CDC37L1: variants seen among roughly 807,000 people sequenced by gnomAD.
CDC37L1 encodes cell division cycle 37 like 1, HSP90 cochaperone.
A neutral mutation model predicts 45.9 loss-of-function variants in CDC37L1; 32 were observed. The ratio of observed to expected loss-of-function variants is 0.70; its 90% confidence interval spans 0.53 to 0.94. The LOEUF (loss-of-function observed/expected upper bound fraction) is 0.94, where lower values mean the gene tolerates loss of function less well. CDC37L1 is among the 40% of genes least tolerant of loss of function. The probability of loss-of-function intolerance (pLI) is 0.00; values close to 1 mark genes in which losing one functional copy is unlikely to be tolerated. For synonymous variants in CDC37L1, 150 were observed against 133.0 expected, an observed-to-expected ratio of 1.13 and a Z score of -0.88; for missense variants, 434 against 405.7, an observed-to-expected ratio of 1.07 and a Z score of -0.60.
At chr9:4,691,590 G>C (rs562537562) in intron 3 of CDC37L1, among the ~76,000 whole-genome samples, 4 of 152,090 alleles carry the variant, frequency 2.6e-5, no homozygotes, top group African/African-American at 4.8e-5. Context: ...GTGTGTGGGG[G>C]CTGTATAGGG....
chr9:4,699,920 A>C (rs1368742896), intron 5 of CDC37L1, among the ~76,000 whole-genome samples: 1 of 152,184 alleles, frequency 6.6e-6, no homozygotes, highest in Non-Finnish European at 1.5e-5. Context: ...GTGTGGTGAA[A>C]TTATAAATAA....
At chr9:4,679,970 C>G in intron 1 of CDC37L1, 71 bp downstream of exon 1, 2 of 1,572,088 alleles carry the variant, frequency 1.3e-6, no homozygotes, top group Non-Finnish European at 1.7e-6. Context: ...TGCCGCGTCT[C>G]CCAGACCCTC....
At chr9:4,688,146 T>A (rs1841267686) in intron 2 of CDC37L1, among the ~76,000 whole-genome samples, 1 of 152,134 alleles carries the variant, frequency 6.6e-6, no homozygotes. Flanking sequence ...ATTACAGGCA[T>A]CCACCACCAT....
At chr9:4,693,458 AAATT>A (rs1278559446) in intron 3 of CDC37L1, among the ~76,000 whole-genome samples, 5 of 152,020 alleles carry the variant, frequency 3.3e-5, no homozygotes, top group Non-Finnish European at 5.9e-5. Flanking sequence ...ATAAAGAAAT[AAATT>A]AATTAATAAT....
rs879404499 is a variant in CDC37L1, at chr9:4,696,670, C to T, written c.509-426C>T. On this transcript the variant is annotated intron_variant, in intron 3 of 6. Transcript: ENST00000381854. ...AAATAGTATTTGGATTTCTTTGACA[C>T]CTTGAAACAAAATGACAACCATTTT... 1.2e-4 allele frequency among the ~76,000 whole-genome samples: 19 copies of T among 152,006 alleles called. 1 individual carries two copies. Among genetic ancestry groups the T allele is most frequent in the Admixed American group, 6.5e-4 (10 of 15,268 alleles).
At chr9:4,694,328 C>T (rs780643948) in intron 3 of CDC37L1, among the ~76,000 whole-genome samples, 1 of 152,142 alleles carries the variant, frequency 6.6e-6, no homozygotes, top group African/African-American at 2.4e-5. Flanking sequence ...GATTCTCCTG[C>T]CTTGGCCTCC....
intron 3 of CDC37L1, among the ~76,000 whole-genome samples, chr9:4,695,492 C>CT (rs897292103): frequency 5.3e-5 from 8 of 151,868 alleles, no homozygotes; most frequent in African/African-American, 1.2e-4. Flanking sequence ...AGTCTTTATC[C>CT]TTTTTTTTAA....
At chr9:4,681,719 G>T (rs1444938488) in intron 1 of CDC37L1, among the ~76,000 whole-genome samples, 3 of 152,058 alleles carry the variant, frequency 2.0e-5, no homozygotes, top group Non-Finnish European at 4.4e-5. Flanking sequence ...GGTCTTACTG[G>T]CTTTAAGACT....
At chr9:4,694,040 T>G (rs1841324796) in intron 3 of CDC37L1, among the ~76,000 whole-genome samples, 2 of 152,232 alleles carry the variant, frequency 1.3e-5, no homozygotes, top group Non-Finnish European at 2.9e-5. Flanking sequence ...ATAATATCAG[T>G]AATTTGAGGT....
Position 4,679,726 on chromosome 9 carries a change from T to C in CDC37L1, c.-42T>C. ...ACGCCAAGTCTGTTGGCAGTGGCAG[T>C]TGTAGGGCCAAGGGCGGTTGTAGGA... is the stretch of plus-strand genomic sequence containing the variant. On this transcript the variant is annotated 5_prime_UTR_variant, in exon 1 of 7. Transcript: ENST00000381854. 6.4e-7 allele frequency: 1 copy of C among 1,572,968 alleles called. No individual in the cohort carries two copies.
intron 1 of CDC37L1, among the ~76,000 whole-genome samples, chr9:4,683,629 C>T (rs185072450): frequency 7.9e-5 from 12 of 151,954 alleles, no homozygotes; most frequent in Admixed American, 2.6e-4. Context: ...TACTTTATCC[C>T]AAAGCTAAGA....
At chr9:4,692,799 C>T (rs2130848795) in intron 3 of CDC37L1, among the ~76,000 whole-genome samples, 1 of 152,212 alleles carries the variant, frequency 6.6e-6, no homozygotes. Flanking sequence ...ATGTGATTCA[C>T]TGTATTAACT....
intron 2 of CDC37L1, among the ~76,000 whole-genome samples, chr9:4,688,069 C>A (rs1462889739): frequency 1.3e-5 from 2 of 152,202 alleles, no homozygotes; most frequent in Non-Finnish European, 2.9e-5. Context: ...ATGATCTCAG[C>A]TCACTACAAC....
chr9:4,705,162 A>G (rs953748395), intron 6 of CDC37L1, among the ~76,000 whole-genome samples: 17 of 152,272 alleles, frequency 1.1e-4, no homozygotes, highest in Non-Finnish European at 2.2e-4. Flanking sequence ...CTGTTTGACT[A>G]CTGTCCTCAC....
At position 4,707,734 on chromosome 9, in the gene CDC37L1, C is replaced by A. The variant is rs747361842; in HGVS notation, c.*1622C>A. The stretch of plus-strand genomic sequence containing the variant: ...ATGACCTAGTCGTAGACATTTTTTT[C>A]TTTTTGTTCTGTTCTGAAGCAAGCT... On this transcript the variant is annotated 3_prime_UTR_variant, in exon 7 of 7. Coordinates refer to ENST00000381854, the MANE Select transcript of CDC37L1 (RefSeq NM_017913.4). 2.8e-5 allele frequency: 4 copies of A among 144,532 alleles called. No homozygotes were observed. Among genetic ancestry groups the A allele is most frequent in the Non-Finnish European group, 4.6e-5 (3 of 65,504 alleles). The allele number at this position is 144,532 out of a possible 1,614,324, so 9.0% of individuals were successfully genotyped here. A position where few individuals can be genotyped will look rare whatever the true frequency, so the allele number is the denominator to read the frequency against.
chr9:4,693,085 C>T (rs571751958), intron 3 of CDC37L1, among the ~76,000 whole-genome samples: 86 of 152,212 alleles, frequency 5.7e-4, no homozygotes, highest in African/African-American at 1.9e-3. Context: ...AAGTAATTCA[C>T]AAACTACCTG....
At chr9:4,679,945 G>C (rs779804868) in intron 1 of CDC37L1, 46 bp downstream of exon 1, 1 of 1,605,644 alleles carries the variant, frequency 6.2e-7, no homozygotes, top group Non-Finnish European at 8.5e-7. Flanking sequence ...TGGTGCTGTC[G>C]CCAAACCCCT....
chr9:4,688,755 G>C, intron 3 of CDC37L1, 149 bp downstream of exon 3: 1 of 447,218 alleles, frequency 2.2e-6, no homozygotes, highest in Non-Finnish European at 3.9e-6. Flanking sequence ...TCTTGTTTTA[G>C]AATTTTTTTT....
intron 1 of CDC37L1, among the ~76,000 whole-genome samples, chr9:4,681,335 T>A (rs1404032237): frequency 6.6e-6 from 1 of 152,198 alleles, no homozygotes; most frequent in Non-Finnish European, 1.5e-5. Flanking sequence ...ATTAAAAGTG[T>A]TTTCCCTGAG....
Sources: gnomAD v4.1 joint callset for allele counts (sites outside exome capture counted in the v4.1 genomes callset) on GRCh38, gnomAD v4.1.1 for gene constraint, MANE v1.5 for transcripts, NCBI Gene and HGNC (gene_info 2026-07-23, HGNC 2026-07-21) for gene names.